The following ZFYVE1 variants were observed in gnomAD, a reference collection of about 807,000 sequenced individuals.
The protein encoded by ZFYVE1 is zinc finger FYVE-type containing 1, also known as zinc finger FYVE domain-containing protein 1.
Under a neutral mutation model 74.4 loss-of-function variants are expected in ZFYVE1, and 30 were observed. The ratio of observed to expected loss-of-function variants is 0.40; its 90% CI spans 0.30 to 0.55. The LOEUF is 0.55. Ranked by LOEUF, ZFYVE1 falls within the 20% of genes least tolerant of loss-of-function variation. ZFYVE1 has a pLI of 0.42. For synonymous variants in ZFYVE1, 335 were observed against 385.1 expected (o/e 0.87, Z 1.52); for missense variants, 703 against 1,011.6 (o/e 0.69, Z 4.14).
Position 73,024,675 on chromosome 14 carries a change from G to A in ZFYVE1, c.-167C>T, listed in dbSNP as rs901583811. ...CTGTTATAGTTCTTCACAAACAAATGTTCAAATTTTTAATTTGCTGCCTCT... is the reference window on the plus strand; with the variant it reads ...CTGTTATAGTTCTTCACAAACAAATATTCAAATTTTTAATTTGCTGCCTCT... On this transcript the variant is annotated 5_prime_UTR_variant, in exon 2 of 12. Coordinates refer to ENST00000556143, the MANE Select transcript of ZFYVE1 (RefSeq NM_021260.4). 4.7e-6 allele frequency: 5 copies of A among 1,071,616 alleles called. No homozygotes were observed. Among genetic ancestry groups the A allele is most frequent in the Admixed American group, 6.7e-5 (2 of 29,632 alleles). 66.4% of individuals were successfully genotyped at this position (1,071,616 alleles called of 1,614,324 possible).
chr14:72,993,376 A>C lies in ZFYVE1; in HGVS notation c.989-19T>G. 1.3e-6 allele frequency: 2 copies of C among 1,594,718 alleles called. No homozygotes were observed. The highest frequency in any genetic ancestry group is 2.2e-5 in the South Asian group (2 of 89,908). ...GGATGATCTATACAAGCAGAAACAC[A>C]GGCACATGGGTAGTGAGTGACATTT... On this transcript the variant is annotated intron_variant, in intron 3 of 11. Coordinates refer to ENST00000556143, the MANE Select transcript of ZFYVE1 (RefSeq NM_021260.4).
Position 73,014,406 on chromosome 14 carries a change from C to T in ZFYVE1, c.483+9620G>A, listed in dbSNP as rs12587694. The stretch of plus-strand genomic sequence containing the variant: ...CCCAGTAAACACCATATAATGCCTT[C>T]CCCTCTACCAATATCACTAAACAAA... On this transcript the variant is annotated intron_variant, in intron 2 of 11. Transcript: ENST00000556143. Among the ~76,000 whole-genome samples the T allele has an allele frequency of 5.5e-3, 836 of 152,078 alleles. 14 individuals are homozygous for T. Among genetic ancestry groups the T allele is most frequent in the East Asian group, 0.048 (250 of 5,178 alleles).
At chr14:73,020,793 T>C (rs893213232) in intron 2 of ZFYVE1, among the ~76,000 whole-genome samples, 3 of 152,112 alleles carry the variant, frequency 2.0e-5, no homozygotes, top group Non-Finnish European at 4.4e-5. Flanking sequence ...CTAGCCAACA[T>C]GCAAAACCAG....
chr14:73,014,285 T>C (rs1189121457), intron 2 of ZFYVE1, among the ~76,000 whole-genome samples: 1 of 152,176 alleles, frequency 6.6e-6, no homozygotes, highest in East Asian at 1.9e-4. Flanking sequence ...ATCCCCAGGC[T>C]GAAAAAGCTC....
intron 2 of ZFYVE1, among the ~76,000 whole-genome samples, chr14:73,005,225 T>C (rs1056677059): frequency 1.3e-5 from 2 of 151,700 alleles, no homozygotes; most frequent in Non-Finnish European, 2.9e-5. Context: ...GCAAGACCGG[T>C]TTTCAGTCAG....
At chr14:72,980,535 T>TG (rs1893295712) in intron 5 of ZFYVE1, among the ~76,000 whole-genome samples, 1 of 105,470 alleles carries the variant, frequency 9.5e-6, no homozygotes, top group African/African-American at 3.3e-5. Context: ...GAGAATTAAT[T>TG]AATTTATTTA....
chr14:72,980,407 G>A (rs1029976681), intron 5 of ZFYVE1, among the ~76,000 whole-genome samples: 1 of 152,092 alleles, frequency 6.6e-6, no homozygotes, highest in Admixed American at 6.5e-5. Flanking sequence ...TCGACACACT[G>A]CATTTAAATC....
rs148673643 is a variant in ZFYVE1, at chr14:73,020,648, G to A, written c.483+3378C>T. 2.2e-4 allele frequency among the ~76,000 whole-genome samples: 33 copies of A among 152,188 alleles called. No homozygotes were observed. In the East Asian group the frequency reaches 4.8e-3, roughly 22 times the overall value. On this transcript the variant is annotated intron_variant, in intron 2 of 11. Transcript: ENST00000556143. ...ATTACAGGCGTGAGCCATCGCGCCCGGTCGCAGTTCATTGTTAATGGTGAC... is the reference window on the plus strand; with the variant it reads ...ATTACAGGCGTGAGCCATCGCGCCCAGTCGCAGTTCATTGTTAATGGTGAC...
At chr14:73,023,185 T>TATATGTTTTATATATA (rs1894356088) in intron 2 of ZFYVE1, among the ~76,000 whole-genome samples, 2 of 138,274 alleles carry the variant, frequency 1.4e-5, no homozygotes, top group Non-Finnish European at 3.1e-5. Flanking sequence ...TATATATATA[T>TATATGTTTTATATATA]ATATATATTT....
At chr14:73,017,051 G>A (rs946997540) in intron 2 of ZFYVE1, among the ~76,000 whole-genome samples, 1 of 152,076 alleles carries the variant, frequency 6.6e-6, no homozygotes, top group African/African-American at 2.4e-5. Flanking sequence ...AGCAGTTTGG[G>A]AGGCCACAGG....
chr14:72,975,532 G>A lies in ZFYVE1; in HGVS notation c.1806+19C>T, dbSNP rs1300922112. On this transcript the variant is annotated intron_variant, in intron 9 of 11. Coordinates refer to ENST00000556143, the MANE Select transcript of ZFYVE1 (RefSeq NM_021260.4). The surrounding 1 kb of genome is among the most constrained non-coding windows in gnomAD (Gnocchi z 4.1). ...GATGGGCTGTGCCAGGAGTGGAGGGGCATCCTGGCACACCATACCAGAATC... is the reference window on the plus strand; with the variant it reads ...GATGGGCTGTGCCAGGAGTGGAGGGACATCCTGGCACACCATACCAGAATC... The A allele has an allele frequency of 1.9e-6, 3 of 1,600,946 alleles. No homozygotes were observed. The highest frequency in any genetic ancestry group is 1.3e-5 in the African/African-American group (1 of 74,634).
In ZFYVE1 at chr14:73,015,429, GAAGAAAGA is replaced by G. The variant is rs1389349595; in HGVS notation, c.483+8589_483+8596del. ...GGGGGGGGAAGGAAGGGGAAGGAAG[GAAGAAAGA>G]AAGAAAGGAAGGGAGGGAGGAAATA... On this transcript the variant is annotated intron_variant, in intron 2 of 11. Coordinates refer to ENST00000556143, the MANE Select transcript of ZFYVE1 (RefSeq NM_021260.4). 2.7e-5 allele frequency among the ~76,000 whole-genome samples: 4 copies of G among 147,054 alleles called. No homozygotes were observed. The South Asian group carries it at 6.8e-4, about 25-fold the overall frequency.
chr14:72,976,712 G>C (rs1479095064), intron 8 of ZFYVE1, among the ~76,000 whole-genome samples: 1 of 150,352 alleles, frequency 6.7e-6, no homozygotes, highest in African/African-American at 2.5e-5. Flanking sequence ...GAACCCAGGA[G>C]GTGGAGGTTG....
chr14:73,006,165 C>T (rs1431164019), intron 2 of ZFYVE1, among the ~76,000 whole-genome samples: 2 of 152,014 alleles, frequency 1.3e-5, no homozygotes, highest in Admixed American at 6.6e-5. Context: ...GTGATCCGCC[C>T]GCCTGGGCCT....
chr14:72,975,419 G>T lies in ZFYVE1; in HGVS notation c.1806+132C>A. 13 of 1,172,618 alleles carry T rather than the reference G, an allele frequency of 1.1e-5. No homozygotes were observed. The South Asian group carries it at 2.1e-4, about 19-fold the overall frequency. 72.6% of individuals were successfully genotyped at this position (1,172,618 alleles called of 1,614,324 possible). ...GCCTCAACGACTCCTCCCCTTGCCG[G>T]TACTCACAGAGCTCACTGCACTGGC... On this transcript the variant is annotated intron_variant, in intron 9 of 11. Transcript: ENST00000556143. This position sits in a 1 kb window ranked among gnomAD's most constrained non-coding sequence, Gnocchi z 4.1.
At chr14:72,972,759 G>A (rs1379606604) in intron 11 of ZFYVE1, among the ~76,000 whole-genome samples, 1 of 150,832 alleles carries the variant, frequency 6.6e-6, no homozygotes, top group Non-Finnish European at 1.5e-5. Context: ...CCAGGCTGGA[G>A]TGCAGTGGTG....
chr14:72,990,596 A>G (rs1206800758), intron 4 of ZFYVE1, among the ~76,000 whole-genome samples: 2 of 147,770 alleles, frequency 1.4e-5, no homozygotes, highest in Non-Finnish European at 3.0e-5. Context: ...TGGTTGCTCC[A>G]TGTTGGTCAG....
intron 2 of ZFYVE1, among the ~76,000 whole-genome samples, chr14:73,018,554 G>A (rs1027210943): frequency 7.2e-5 from 11 of 151,822 alleles, no homozygotes; most frequent in African/African-American, 2.7e-4. Context: ...CTATTTAGGT[G>A]TTTACATGTG....
chr14:72,983,627 G>A (rs1186067873), intron 4 of ZFYVE1, among the ~76,000 whole-genome samples: 1 of 152,068 alleles, frequency 6.6e-6, no homozygotes, highest in African/African-American at 2.4e-5. Flanking sequence ...TTGGTTCCAA[G>A]TCTTTGCTAT....
Sources: gnomAD v4.1 joint callset for allele counts (sites outside exome capture counted in the v4.1 genomes callset) on GRCh38, gnomAD v4.1.1 for gene constraint, Gnocchi (gnomAD v3.1) non-coding constraint, MANE v1.5 for transcripts, NCBI Gene and HGNC (gene_info 2026-07-23, HGNC 2026-07-21) for gene names.